The following ZFHX3 variants were observed in gnomAD, a reference collection of about 807,000 sequenced individuals.
The protein encoded by ZFHX3 is zinc finger homeobox protein 3.
In ZFHX3, 42 loss-of-function variants were observed where a neutral mutation model predicts 279.1. The ratio of observed to expected loss-of-function variants is 0.15; its 90% CI spans 0.12 to 0.19. ZFHX3 has a LOEUF of 0.19. Ranked by LOEUF, ZFHX3 falls within the 10% of genes least tolerant of loss-of-function variation. The pLI is 1.00. For missense variants in ZFHX3, 4,981 were observed against 4,754.0 expected, an observed-to-expected ratio of 1.05 and a Z score of -1.40; for synonymous variants, 2,293 against 1,957.8, an observed-to-expected ratio of 1.17 and a Z score of -4.52.
At chr16:72,815,146 G>A (rs928211600) in intron 5 of ZFHX3, among the ~76,000 whole-genome samples, 2 of 152,112 alleles carry the variant, frequency 1.3e-5, no homozygotes, top group African/African-American at 2.4e-5. Context: ...AGTGGCTCAC[G>A]CCTGTAATCC....
intron 8 of ZFHX3, among the ~76,000 whole-genome samples, chr16:73,085,119 C>T (rs953801863): frequency 6.6e-5 from 10 of 152,158 alleles, no homozygotes; most frequent in African/African-American, 1.9e-4. Flanking sequence ...GGAGGCACTG[C>T]ACTACCTGAC....
chr16:73,114,385 T>G (rs559119715), intron 7 of ZFHX3, among the ~76,000 whole-genome samples: 23 of 152,128 alleles, frequency 1.5e-4, no homozygotes, highest in Non-Finnish European at 1.6e-4. Flanking sequence ...TATCAGAAAT[T>G]GGGTAAACTG....
chr16:73,084,514 ATTTTTTTTT>A (rs34134596), intron 8 of ZFHX3, among the ~76,000 whole-genome samples: 1 of 92,660 alleles, frequency 1.1e-5, no homozygotes, highest in Non-Finnish European at 2.1e-5. Context: ...CTAGGACTAA[ATTTTTTTTT>A]TTTTTTTTTT....
chr16:73,839,062 T>C (rs1961222476), intron 1 of ZFHX3, among the ~76,000 whole-genome samples: 2 of 151,978 alleles, frequency 1.3e-5, no homozygotes, highest in South Asian at 4.2e-4. Context: ...GCTACTAATG[T>C]CAGTGGGTAC....
At chr16:73,314,965 C>A (rs140844659) in intron 4 of ZFHX3, among the ~76,000 whole-genome samples, 11 of 152,286 alleles carry the variant, frequency 7.2e-5, no homozygotes, top group African/African-American at 2.2e-4. Context: ...TGATGGCTCA[C>A]GCCTGTAATT....
intron 3 of ZFHX3, among the ~76,000 whole-genome samples, chr16:72,907,567 G>GTGTGTA (rs2039211244): frequency 6.8e-6 from 1 of 147,644 alleles, no homozygotes; most frequent in Non-Finnish European, 1.5e-5. Context: ...GTGTGTGTGT[G>GTGTGTA]TGTGTGTGTG....
At chr16:73,464,108 A>C (rs2143586632) in intron 2 of ZFHX3, among the ~76,000 whole-genome samples, 1 of 152,242 alleles carries the variant, frequency 6.6e-6, no homozygotes, top group South Asian at 2.1e-4. Context: ...TTGCTTAGTA[A>C]AAGCCATCAA....
intron 2 of ZFHX3, among the ~76,000 whole-genome samples, chr16:73,523,225 C>T (rs1045516237): frequency 5.9e-5 from 9 of 152,162 alleles, no homozygotes; most frequent in Non-Finnish European, 8.8e-5. Context: ...TCAGGCTAAA[C>T]GAGCAAATAA....
chr16:73,181,745 G>T (rs1312484287), intron 5 of ZFHX3, among the ~76,000 whole-genome samples: 1 of 152,164 alleles, frequency 6.6e-6, no homozygotes, highest in Non-Finnish European at 1.5e-5. Context: ...AGAAATAACA[G>T]AAGTCTGTTG....
At chr16:73,395,528 C>A (rs909492099) in intron 3 of ZFHX3, among the ~76,000 whole-genome samples, 1 of 151,816 alleles carries the variant, frequency 6.6e-6, no homozygotes, top group Non-Finnish European at 1.5e-5. Flanking sequence ...GCACCGTGCT[C>A]TGCTTGTTTT....
intron 5 of ZFHX3, among the ~76,000 whole-genome samples, chr16:73,197,013 G>T (rs1968163915): frequency 6.6e-6 from 1 of 152,162 alleles, no homozygotes; most frequent in African/African-American, 2.4e-5. Context: ...CCTGGCCTAA[G>T]TAGGGCGTCT....
intron 2 of ZFHX3, among the ~76,000 whole-genome samples, chr16:73,517,849 A>G (rs1202551206): frequency 6.6e-6 from 1 of 152,208 alleles, no homozygotes; most frequent in African/African-American, 2.4e-5. Flanking sequence ...ATATCACGTG[A>G]GTCCCAAATG....
chr16:72,995,039 G>A (rs1372781644), intron 1 of ZFHX3, among the ~76,000 whole-genome samples: 2 of 152,064 alleles, frequency 1.3e-5, no homozygotes, highest in African/African-American at 2.4e-5. Flanking sequence ...TGCTCCTAAC[G>A]CCCCATTTAG....
At chr16:73,116,436 C>A (rs981353002) in intron 7 of ZFHX3, among the ~76,000 whole-genome samples, 6 of 152,118 alleles carry the variant, frequency 3.9e-5, no homozygotes, top group African/African-American at 1.4e-4. Flanking sequence ...ACAAACACTC[C>A]CTACATTGTG....
intron 1 of ZFHX3, among the ~76,000 whole-genome samples, chr16:73,743,926 C>T (rs1030197225): frequency 4.6e-5 from 7 of 152,202 alleles, no homozygotes; most frequent in Middle Eastern, 6.8e-3. Context: ...TACTGGGTGA[C>T]CCCATGAAAA....
At chr16:73,753,200 G>A (rs117756952) in intron 1 of ZFHX3, among the ~76,000 whole-genome samples, 1 of 152,158 alleles carries the variant, frequency 6.6e-6, no homozygotes, top group Admixed American at 6.5e-5. Flanking sequence ...TGAGTTTGAG[G>A]TAGAAGGCTG....
At chr16:72,987,894 T>C (rs900592287) in intron 1 of ZFHX3, among the ~76,000 whole-genome samples, 2 of 152,166 alleles carry the variant, frequency 1.3e-5, no homozygotes, top group Non-Finnish European at 2.9e-5. Context: ...AAACGCCACC[T>C]ACTGAACTCC....
chr16:73,714,859 A>C (rs1332120606), intron 1 of ZFHX3, among the ~76,000 whole-genome samples: 1 of 152,112 alleles, frequency 6.6e-6, no homozygotes, highest in African/African-American at 2.4e-5. Context: ...AGCTCCTCTC[A>C]CATGGTAATC....
chr16:73,174,538 AT>A (rs1249514908), intron 5 of ZFHX3, among the ~76,000 whole-genome samples: 1 of 151,880 alleles, frequency 6.6e-6, no homozygotes, highest in Admixed American at 6.6e-5. Flanking sequence ...TGCCTCTCAA[AT>A]CTCCACACAG....
Sources: allele counts gnomAD v4.1 joint callset (sites outside exome capture counted in the v4.1 genomes callset), GRCh38; gene constraint gnomAD v4.1.1; transcripts MANE v1.5; gene names NCBI Gene and HGNC (gene_info 2026-07-23, HGNC 2026-07-21).